The following FRMD4A variants were observed in gnomAD, a reference collection of about 807,000 sequenced individuals.
The protein encoded by FRMD4A is FERM domain-containing protein 4A.
In FRMD4A, 29 loss-of-function variants were observed where a neutral mutation model predicts 129.1. The observed-to-expected ratio is 0.22, with a 90% CI of 0.17 to 0.31. The LOEUF is 0.31. FRMD4A is among the 10% of genes least tolerant of loss of function. The pLI, the probability that FRMD4A is intolerant of heterozygous loss-of-function variation, is 1.00. For missense variants in FRMD4A, 1,272 were observed against 1,375.8 expected (o/e 0.92, Z 1.19); for synonymous variants, 634 against 571.6 (o/e 1.11, Z -1.56).
chr10:13,980,718 C>A (rs770552653), intron 2 of FRMD4A, among the ~76,000 whole-genome samples: 1 of 151,892 alleles, frequency 6.6e-6, no homozygotes, highest in Non-Finnish European at 1.5e-5. Flanking sequence ...AGACCCTGTC[C>A]GTAAAAATCA....
chr10:13,842,365 C>T (rs558860041), intron 3 of FRMD4A, among the ~76,000 whole-genome samples: 56 of 152,314 alleles, frequency 3.7e-4, no homozygotes, highest in African/African-American at 1.3e-3. Context: ...GCCATTCATT[C>T]GTGCATGAGC....
At chr10:14,318,270 A>T (rs1474877383) in intron 2 of FRMD4A, among the ~76,000 whole-genome samples, 2 of 148,894 alleles carry the variant, frequency 1.3e-5, no homozygotes, top group Non-Finnish European at 3.0e-5. Context: ...TTACATTCAC[A>T]CTCCCTCATG....
At position 13,867,929 on chromosome 10, in the gene FRMD4A, A is replaced by AAT. The variant is rs955910439; in HGVS notation, c.46-9019_46-9018dup. Among the ~76,000 whole-genome samples the AAT allele has an allele frequency of 7.8e-3, 1,119 of 143,366 alleles. 15 individuals carry two copies. Among genetic ancestry groups the AAT allele is most frequent in the African/African-American group, 0.027 (1,058 of 39,162 alleles). 94.1% of individuals were successfully genotyped at this position (143,366 alleles called of 152,430 possible). A position where few individuals can be genotyped will look rare whatever the true frequency, so the allele number is the denominator to read the frequency against. ...ATATATAATATAATATATAATAAATAATATATATATAATAAATACTATATA... is the reference window on the plus strand; with the variant it reads ...ATATATAATATAATATATAATAAATAATATATATATATAATAAATACTATATA... On this transcript the variant is annotated intron_variant, in intron 2 of 24. Transcript: ENST00000357447.
At chr10:13,829,236 T>C (rs2093752223) in intron 3 of FRMD4A, among the ~76,000 whole-genome samples, 1 of 152,150 alleles carries the variant, frequency 6.6e-6, no homozygotes. Context: ...ACGAAAAACA[T>C]TCTTCCGGCA....
chr10:13,685,593 G>A (rs2084995786), intron 15 of FRMD4A: 1 of 984,016 alleles, frequency 1.0e-6, no homozygotes, highest in Non-Finnish European at 1.2e-6. Context: ...CAGCAAAGGA[G>A]CACTGCAACA....
intron 12 of FRMD4A, among the ~76,000 whole-genome samples, chr10:13,724,571 T>G (rs1351097600): frequency 2.0e-5 from 3 of 152,184 alleles, no homozygotes; most frequent in Non-Finnish European, 4.4e-5. Context: ...GATCCAACGA[T>G]AGCATTTGGT....
At chr10:13,798,148 C>T (rs766551202) in intron 4 of FRMD4A, among the ~76,000 whole-genome samples, 4 of 152,220 alleles carry the variant, frequency 2.6e-5, no homozygotes, top group Middle Eastern at 3.4e-3. Context: ...CAGTGGCTCA[C>T]GCCTGTAATC....
At chr10:13,987,312 C>T (rs1427016127) in intron 2 of FRMD4A, among the ~76,000 whole-genome samples, 1 of 152,126 alleles carries the variant, frequency 6.6e-6, no homozygotes, top group Non-Finnish European at 1.5e-5. Context: ...GGAAAATCGA[C>T]TCTTAAGAAA....
intron 2 of FRMD4A, among the ~76,000 whole-genome samples, chr10:13,976,177 A>C (rs1207861259): frequency 1.3e-5 from 2 of 152,192 alleles, no homozygotes; most frequent in Non-Finnish European, 2.9e-5. Flanking sequence ...TTAGCTGGCC[A>C]GATGGGGTGA....
intron 2 of FRMD4A, among the ~76,000 whole-genome samples, chr10:14,268,776 A>G (rs201138028): frequency 6.6e-6 from 1 of 151,906 alleles, no homozygotes; most frequent in Admixed American, 6.6e-5. Flanking sequence ...GGCTAAGCCA[A>G]TAGCCAATAG....
At chr10:14,265,268 T>C (rs1218339) in intron 2 of FRMD4A, among the ~76,000 whole-genome samples, 22,470 of 152,128 alleles carry the variant, frequency 0.15, 2,436 homozygotes, top group African/African-American at 0.3. Flanking sequence ...ATTATTATCA[T>C]GGTCCTTTTT....
intron 2 of FRMD4A, among the ~76,000 whole-genome samples, chr10:14,221,717 G>A (rs903709322): frequency 7.4e-4 from 20 of 27,020 alleles, no homozygotes; most frequent in Admixed American, 4.7e-3. Context: ...ACAGTACCAC[G>A]CCGGGTAATT....
chr10:13,673,583 C>T (rs889843027), intron 16 of FRMD4A, among the ~76,000 whole-genome samples: 39 of 146,850 alleles, frequency 2.7e-4, no homozygotes, highest in Non-Finnish European at 4.6e-4. Flanking sequence ...CATGCGTGCG[C>T]GCGCGCACAC....
At chr10:13,764,926 C>G (rs917663460) in intron 6 of FRMD4A, among the ~76,000 whole-genome samples, 1 of 152,164 alleles carries the variant, frequency 6.6e-6, no homozygotes, top group Non-Finnish European at 1.5e-5. Context: ...GGGCCGGGAA[C>G]AGACCCCCTA....
At chr10:14,130,459 G>C (rs10906607) in intron 2 of FRMD4A, among the ~76,000 whole-genome samples, 7 of 151,608 alleles carry the variant, frequency 4.6e-5, no homozygotes, top group South Asian at 2.1e-4. Flanking sequence ...ATGAAGTCTT[G>C]CTATGATGCC....
intron 2 of FRMD4A, among the ~76,000 whole-genome samples, chr10:13,921,633 C>T (rs1446764896): frequency 1.3e-5 from 2 of 152,114 alleles, no homozygotes; most frequent in Admixed American, 6.5e-5. Context: ...AATGGCCTGT[C>T]AAAGGCTCCA....
chr10:14,004,706 G>C (rs2095655553), intron 2 of FRMD4A, among the ~76,000 whole-genome samples: 1 of 152,192 alleles, frequency 6.6e-6, no homozygotes, highest in Non-Finnish European at 1.5e-5. Flanking sequence ...TACAAGCACT[G>C]CAAAGGGGTG....
chr10:13,871,762 G>A (rs1017915206), intron 2 of FRMD4A, among the ~76,000 whole-genome samples: 1 of 152,194 alleles, frequency 6.6e-6, no homozygotes, highest in Non-Finnish European at 1.5e-5. Context: ...GGACTGCTGG[G>A]GATGCCAAGC....
chr10:13,998,528 A>T (rs1241497630), intron 2 of FRMD4A, among the ~76,000 whole-genome samples: 1 of 152,148 alleles, frequency 6.6e-6, no homozygotes, highest in Non-Finnish European at 1.5e-5. Flanking sequence ...TCATTATCTC[A>T]AGTTTAGCAC....
Sources: allele counts gnomAD v4.1 joint callset (sites outside exome capture counted in the v4.1 genomes callset), GRCh38; gene constraint gnomAD v4.1.1; transcripts MANE v1.5; gene names NCBI Gene and HGNC (gene_info 2026-07-23, HGNC 2026-07-21).